The following MTG2 variants were observed in gnomAD, a reference collection of about 807,000 sequenced individuals.
The protein encoded by MTG2 is mitochondrial ribosome-associated GTPase 2.
MTG2 carries 23 observed loss-of-function variants against 28.6 expected under a neutral mutation model. The observed-to-expected ratio is 0.80, with a 90% CI of 0.58 to 1.14. The LOEUF is 1.14. MTG2 is among the 50% of genes most tolerant of loss of function. The pLI, the probability that MTG2 is intolerant of heterozygous loss-of-function variation, is 0.00. For missense variants in MTG2, 539 were observed against 552.0 expected (o/e 0.98, Z 0.24); for synonymous variants, 260 against 251.8 (o/e 1.03, Z -0.31).
chr20:62,193,342 G>A, intron 1 of MTG2, 74 bp from the exon 2 acceptor site: 1 of 1,386,090 alleles, frequency 7.2e-7, no homozygotes, highest in South Asian at 1.2e-5. Context: ...GCTGCATGAG[G>A]CCCTCGTCTT....
At chr20:62,193,392 AT>A (rs2057997804) in intron 1 of MTG2, 23 bp from the exon 2 acceptor site, 4 of 1,610,968 alleles carry the variant, frequency 2.5e-6, no homozygotes, top group Non-Finnish European at 1.7e-6. Flanking sequence ...CAAGTATCTC[AT>A]TTTGCCAATT....
In MTG2 at chr20:62,187,068, G is replaced by C. The variant is rs79186824; in HGVS notation, c.-6+4011G>C. On this transcript the variant is annotated intron_variant, in intron 1 of 6. Transcript: ENST00000370823. ...TATCAGGGCGAAGATGTTCCCGTCTGTTCCCAGTTTGCTGAGATGTTTTGT... is the reference window on the plus strand; with the variant it reads ...TATCAGGGCGAAGATGTTCCCGTCTCTTCCCAGTTTGCTGAGATGTTTTGT... Among the ~76,000 whole-genome samples the C allele has an allele frequency of 5.3e-3, 809 of 152,318 alleles. 8 individuals carry two copies. The highest frequency in any genetic ancestry group is 0.018 in the African/African-American group (764 of 41,560).
chr20:62,200,128 T>C (rs4925356), intron 6 of MTG2: 9,101 of 152,416 alleles, frequency 0.06, 897 homozygotes, highest in East Asian at 0.5. Context: ...ACAGTATTTC[T>C]TCCCACTCTA....
chr20:62,191,639 C>T (rs1238628084), intron 1 of MTG2, among the ~76,000 whole-genome samples: 1 of 152,142 alleles, frequency 6.6e-6, no homozygotes, highest in South Asian at 2.1e-4. Flanking sequence ...CAGGCGGTGT[C>T]CCCTCGTTGT....
chr20:62,190,252 T>C (rs2057930121), intron 1 of MTG2, among the ~76,000 whole-genome samples: 1 of 152,228 alleles, frequency 6.6e-6, no homozygotes, highest in African/African-American at 2.4e-5. Context: ...GTCATCTGGG[T>C]CCCTCGAATC....
Position 62,199,106 on chromosome 20 carries a change from C to T in MTG2, c.688-13C>T, listed in dbSNP as rs1178011300. 2 of 1,613,612 alleles carry T rather than the reference C, an allele frequency of 1.2e-6. No homozygotes were observed. Among genetic ancestry groups the T allele is most frequent in the Non-Finnish European group, 1.7e-6 (2 of 1,179,758 alleles). ...GCCGCGGGCCGTGCCACCGTCTTCC[C>T]TCTTTCCCCCAGGTGGGATTCCCCA... On this transcript the variant is annotated splice_polypyrimidine_tract_variant and intron_variant, in intron 5 of 6. Coordinates refer to ENST00000370823, the MANE Select transcript of MTG2 (RefSeq NM_015666.4).
At chr20:62,184,542 G>A (rs749241962) in intron 1 of MTG2, among the ~76,000 whole-genome samples, 1 of 152,202 alleles carries the variant, frequency 6.6e-6, no homozygotes, top group Non-Finnish European at 1.5e-5. Flanking sequence ...AGCAGTGATC[G>A]GGACAGGGAG....
At position 62,199,155 on chromosome 20, in the gene MTG2, C is replaced by T. The variant is rs201334207; in HGVS notation, c.724C>T (p.Arg242Trp). 44 of 1,614,152 alleles carry T rather than the reference C, an allele frequency of 2.7e-5. No individual in the cohort carries two copies. The highest frequency in any genetic ancestry group is 3.4e-5 in the Non-Finnish European group (40 of 1,180,028). The change falls in exon 6 of 7, where the codon CGG becomes TGG. Residue 242 changes from arginine to tryptophan, a missense_variant. Transcript: ENST00000370823. ...CAACGCCGGGAAGTCCTCACTGCTC[C>T]GGGCCATTTCAAACGCCAGACCCGC... is the stretch of plus-strand genomic sequence containing the variant. ...FPNAGKSSLL[R>W]AISNARPAVA...
intron 3 of MTG2, among the ~76,000 whole-genome samples, chr20:62,197,021 A>C (rs1165341472): frequency 6.6e-6 from 1 of 152,112 alleles, no homozygotes; most frequent in Non-Finnish European, 1.5e-5. Flanking sequence ...AACAAGAGTG[A>C]AACTCCGTCT....
At chr20:62,191,072 C>T (rs970713003) in intron 1 of MTG2, among the ~76,000 whole-genome samples, 2 of 152,062 alleles carry the variant, frequency 1.3e-5, no homozygotes, top group Admixed American at 6.6e-5. Context: ...TTCTTATAGG[C>T]GGAGAATGGA....
At chr20:62,184,125 A>G (rs750895513) in intron 1 of MTG2, among the ~76,000 whole-genome samples, 18 of 152,300 alleles carry the variant, frequency 1.2e-4, no homozygotes, top group South Asian at 2.1e-4. Flanking sequence ...TTGGGAGGCC[A>G]AGGCGGGCAG....
At chr20:62,199,692 C>CTTTTT (rs576466526) in intron 6 of MTG2, among the ~76,000 whole-genome samples, 6 of 90,628 alleles carry the variant, frequency 6.6e-5, no homozygotes, top group Non-Finnish European at 1.0e-4. Flanking sequence ...ATGTAAACAA[C>CTTTTT]TTTTTTTTTT....
intron 1 of MTG2, among the ~76,000 whole-genome samples, chr20:62,191,073 G>A (rs747858682): frequency 5.9e-5 from 9 of 152,118 alleles, no homozygotes; most frequent in African/African-American, 1.4e-4. Flanking sequence ...TCTTATAGGC[G>A]GAGAATGGAG....
intron 1 of MTG2, among the ~76,000 whole-genome samples, chr20:62,183,866 C>G (rs1045923292): frequency 6.6e-6 from 1 of 152,208 alleles, no homozygotes; most frequent in African/African-American, 2.4e-5. Flanking sequence ...AAAATGGATT[C>G]CTTTGAAATT....
At chr20:62,196,074 A>T in intron 3 of MTG2, 125 bp downstream of exon 3, 2 of 1,160,674 alleles carry the variant, frequency 1.7e-6, no homozygotes, top group Non-Finnish European at 2.4e-6. Flanking sequence ...GCACTTGGAG[A>T]GGCTGAGGCA....
rs758096165 is a variant in MTG2 at position 62,200,959 on chromosome 20, T to C, written c.1103T>C (p.Ile368Thr). 5.6e-6 allele frequency: 9 copies of C among 1,614,008 alleles called. No homozygotes were observed. Among genetic ancestry groups the C allele is most frequent in the Non-Finnish European group, 7.6e-6 (9 of 1,180,026 alleles). Reference sequence around the variant, plus strand: ...CGGGATCACTTGGGACAGGAGGTCATCGTGCTGTCGGCGTTGACCGGCGAG... The same window carrying C: ...CGGGATCACTTGGGACAGGAGGTCACCGTGCTGTCGGCGTTGACCGGCGAG... The part of the protein sequence containing the change: ...QLRDHLGQEV[I>T]VLSALTGENL... Residue 368 changes from isoleucine to threonine, a missense_variant, in exon 7 of 7, where the codon ATC (isoleucine) becomes ACC (threonine). By Grantham distance (89) the Ile-to-Thr change is moderately conservative. Transcript: ENST00000370823.
chr20:62,186,867 G>A (rs1019026395), intron 1 of MTG2, among the ~76,000 whole-genome samples: 1 of 152,130 alleles, frequency 6.6e-6, no homozygotes, highest in Non-Finnish European at 1.5e-5. Flanking sequence ...CCTCTCTTCT[G>A]TAAACAGGGA....
In MTG2 at chr20:62,200,774, C is replaced by G; in HGVS notation, c.918C>G (p.Leu306=). 2.5e-6 allele frequency: 4 copies of G among 1,613,870 alleles called. No homozygotes were observed. The highest frequency in any genetic ancestry group is 1.6e-4 in the Middle Eastern group (1 of 6,062). Residue 306 remains leucine, a synonymous_variant, in exon 7 of 7, where the codon CTC becomes CTG. Transcript: ENST00000370823. The stretch of plus-strand genomic sequence containing the variant: ...GGCACATCGAGCGCTGCCGCTTTCT[C>G]TTGTTCGTGGTGGATCTTTCTCAGC... ...FLRHIERCRF[L]LFVVDLSQPE...
chr20:62,185,771 T>A lies in MTG2; in HGVS notation c.-6+2714T>A, dbSNP rs114119534. Among the ~76,000 whole-genome samples the A allele has an allele frequency of 8.3e-3, 1,263 of 152,328 alleles. 17 individuals carry two copies. Among genetic ancestry groups the A allele is most frequent in the African/African-American group, 0.028 (1,173 of 41,568 alleles). ...CTGAGTTTTTACATTTCAGTTAATT[T>A]TAGCCAAATGGCCACATTTGGCCAG... On this transcript the variant is annotated intron_variant, in intron 1 of 6. Coordinates refer to ENST00000370823, the MANE Select transcript of MTG2 (RefSeq NM_015666.4).
Sources: gnomAD v4.1 joint callset for allele counts (sites outside exome capture counted in the v4.1 genomes callset) on GRCh38, gnomAD v4.1.1 for gene constraint, MANE v1.5 for transcripts, NCBI Gene and HGNC (gene_info 2026-07-23, HGNC 2026-07-21) for gene names.